The following ADGRL2 variants were observed in gnomAD, a reference collection of about 807,000 sequenced individuals.
ADGRL2 encodes adhesion G protein-coupled receptor L2.
ADGRL2 carries 44 observed loss-of-function variants against 157.4 expected under a neutral mutation model. The observed-to-expected ratio is 0.28, with a 90% CI of 0.22 to 0.36. ADGRL2 has a LOEUF of 0.36. Among genes scored for constraint, ADGRL2 ranks in the 10% least tolerant of loss-of-function variants. The pLI is 1.00. For synonymous variants in ADGRL2, 585 were observed against 624.7 expected (o/e 0.94, Z 0.95); for missense variants, 1,510 against 1,768.9 (o/e 0.85, Z 2.63).
chr1:81,566,289 C>G (rs1042346689), intron 2 of ADGRL2, among the ~76,000 whole-genome samples: 3 of 152,096 alleles, frequency 2.0e-5, no homozygotes, highest in Admixed American at 6.6e-5. Context: ...AATAATTTAA[C>G]AGCAGATAAT....
At chr1:81,311,433 C>T (rs1276982742) in intron 1 of ADGRL2, among the ~76,000 whole-genome samples, 1 of 152,044 alleles carries the variant, frequency 6.6e-6, no homozygotes, top group African/African-American at 2.4e-5. Context: ...TTTCATGGGT[C>T]ATATTCTTGT....
intron 1 of ADGRL2, among the ~76,000 whole-genome samples, chr1:81,412,757 T>G (rs1413391287): frequency 6.6e-6 from 1 of 152,306 alleles, no homozygotes; most frequent in African/African-American, 2.4e-5. Context: ...TATTGATGGA[T>G]GAATACATGG....
chr1:81,310,707 G>A (rs926949522), intron 1 of ADGRL2, among the ~76,000 whole-genome samples: 1 of 152,058 alleles, frequency 6.6e-6, no homozygotes, highest in Non-Finnish European at 1.5e-5. Context: ...GTTAGATGTC[G>A]ACCATTGGTA....
chr1:81,386,376 A>G (rs560993937), intron 1 of ADGRL2, among the ~76,000 whole-genome samples: 5 of 152,236 alleles, frequency 3.3e-5, no homozygotes, highest in African/African-American at 1.2e-4. Context: ...GCTAGCCTCC[A>G]TAATGCTTTC....
intron 22 of ADGRL2, among the ~76,000 whole-genome samples, chr1:81,987,614 A>C (rs947148263): frequency 6.6e-6 from 1 of 151,684 alleles, no homozygotes; most frequent in African/African-American, 2.4e-5. Flanking sequence ...ACCCATCCAT[A>C]TATTACTATG....
chr1:81,353,926 G>C (rs943313887), intron 1 of ADGRL2, among the ~76,000 whole-genome samples: 1 of 152,156 alleles, frequency 6.6e-6, no homozygotes, highest in Non-Finnish European at 1.5e-5. Context: ...GAAAGGCTCA[G>C]GCATGAATCT....
chr1:81,644,849 T>A (rs1320065707), intron 3 of ADGRL2, among the ~76,000 whole-genome samples: 1 of 152,204 alleles, frequency 6.6e-6, no homozygotes, highest in East Asian at 1.9e-4. Flanking sequence ...TCAATTCTGC[T>A]GTGAACCTAA....
intron 1 of ADGRL2, among the ~76,000 whole-genome samples, chr1:81,354,200 A>C (rs756658046): frequency 5.9e-5 from 9 of 152,178 alleles, no homozygotes; most frequent in Non-Finnish European, 2.9e-5. Flanking sequence ...CCTCACAAAT[A>C]ACCCTACAAG....
chr1:81,903,741 C>G (rs553697364), intron 2 of ADGRL2, among the ~76,000 whole-genome samples: 5 of 140,224 alleles, frequency 3.6e-5, no homozygotes, highest in African/African-American at 1.3e-4. Flanking sequence ...ATTATATATA[C>G]ACATTATATA....
chr1:81,885,845 C>G (rs1386868576), intron 2 of ADGRL2, among the ~76,000 whole-genome samples: 1 of 152,128 alleles, frequency 6.6e-6, no homozygotes, highest in African/African-American at 2.4e-5. Context: ...CACCCTGTTA[C>G]TGTTGTTTAT....
chr1:81,887,841 A>T (rs2094162658), intron 2 of ADGRL2, among the ~76,000 whole-genome samples: 1 of 152,248 alleles, frequency 6.6e-6, no homozygotes, highest in Non-Finnish European at 1.5e-5. Flanking sequence ...AAAATTGCTG[A>T]GAGCATATCA....
chr1:81,855,032 G>A (rs2093154313), intron 2 of ADGRL2, among the ~76,000 whole-genome samples: 1 of 152,114 alleles, frequency 6.6e-6, no homozygotes, highest in Non-Finnish European at 1.5e-5. Context: ...GTTGACTATT[G>A]AAAGCGTTGA....
At chr1:81,591,859 A>G (rs1221472185) in intron 3 of ADGRL2, among the ~76,000 whole-genome samples, 1 of 152,110 alleles carries the variant, frequency 6.6e-6, no homozygotes, top group Non-Finnish European at 1.5e-5. Flanking sequence ...TTGAAAGTGG[A>G]TACTTCCCCA....
At chr1:81,924,568 T>C (rs1188520814) in intron 3 of ADGRL2, among the ~76,000 whole-genome samples, 1 of 152,108 alleles carries the variant, frequency 6.6e-6, no homozygotes, top group Admixed American at 6.6e-5. Context: ...CTCTAGCCTG[T>C]GGTGTTAGTA....
At chr1:81,696,165 C>CT (rs1395013748), upstream of ADGRL2, among the ~76,000 whole-genome samples, 2 of 151,910 alleles carry the variant, frequency 1.3e-5, no homozygotes, top group Admixed American at 1.3e-4. Flanking sequence ...AAATAGTCAT[C>CT]TTTTTTCATT....
At chr1:81,363,049 T>A (rs1035903470) in intron 1 of ADGRL2, among the ~76,000 whole-genome samples, 1 of 152,130 alleles carries the variant, frequency 6.6e-6, no homozygotes, top group African/African-American at 2.4e-5. Flanking sequence ...TGTACATATA[T>A]GTATGTATAC....
chr1:81,964,034 A>G (rs150619191), intron 11 of ADGRL2, among the ~76,000 whole-genome samples: 2,492 of 151,854 alleles, frequency 0.016, 43 homozygotes, highest in South Asian at 0.059. Context: ...TTGTTGGTAC[A>G]AAGTTCATTA....
chr1:81,732,102 A>C (rs1194393097), intron 1 of ADGRL2, among the ~76,000 whole-genome samples: 1 of 152,178 alleles, frequency 6.6e-6, no homozygotes, highest in Non-Finnish European at 1.5e-5. Context: ...ATATATTTTC[A>C]AAGGGAAGTG....
At chr1:81,564,810 T>C (rs2148468683) in intron 2 of ADGRL2, among the ~76,000 whole-genome samples, 2 of 152,202 alleles carry the variant, frequency 1.3e-5, no homozygotes, top group Middle Eastern at 6.8e-3. Flanking sequence ...CAGAGGATAT[T>C]GAGGACTATG....
Sources: allele counts gnomAD v4.1 joint callset (sites outside exome capture counted in the v4.1 genomes callset), GRCh38; gene constraint gnomAD v4.1.1; transcripts MANE v1.5; gene names NCBI Gene and HGNC (gene_info 2026-07-23, HGNC 2026-07-21).